The following TTC34 variants were observed in gnomAD, a reference collection of about 807,000 sequenced individuals.
TTC34 encodes tetratricopeptide repeat domain 34.
Under a neutral mutation model 40.7 loss-of-function variants are expected in TTC34, and 44 were observed. The observed-to-expected ratio is 1.08, with a 90% CI of 0.85 to 1.39. TTC34 has a LOEUF of 1.39. Among genes scored for constraint, TTC34 ranks in the 40% most tolerant of loss-of-function variants. The pLI is 0.00. For synonymous variants in TTC34, 422 were observed against 398.6 expected, an observed-to-expected ratio of 1.06 and a Z score of -0.70; for missense variants, 884 against 838.0, an observed-to-expected ratio of 1.05 and a Z score of -0.68.
intron 6 of TTC34, among the ~76,000 whole-genome samples, chr1:2,769,420 C>A (rs1569759984): frequency 4.4e-5 from 2 of 45,514 alleles, no homozygotes; most frequent in South Asian, 2.2e-3. Flanking sequence ...TGGAACAGCA[C>A]CCACACCCCC....
chr1:2,785,298 T>TACCCCAGGAGATCCCGGC (rs1553170524), intron 5 of TTC34, among the ~76,000 whole-genome samples: 1 of 151,264 alleles, frequency 6.6e-6, no homozygotes, highest in Admixed American at 6.6e-5. Flanking sequence ...ACACTCCCTG[T>TACCCCAGGAGATCCCGGC]ACCCCAGGAG....
chr1:2,682,059 C>G (rs1266999402), intron 6 of TTC34, among the ~76,000 whole-genome samples: 1 of 55,824 alleles, frequency 1.8e-5, no homozygotes, highest in Non-Finnish European at 3.7e-5. Context: ...TGGAGCAGCA[C>G]CCCACACCCA....
chr1:2,653,524 C>CT (rs1639224255), intron 6 of TTC34, among the ~76,000 whole-genome samples: 1 of 152,078 alleles, frequency 6.6e-6, no homozygotes, highest in Non-Finnish European at 1.5e-5. Context: ...GAACAGCACC[C>CT]ACACCCCCAG....
intron 6 of TTC34, among the ~76,000 whole-genome samples, chr1:2,684,619 A>C (rs1401716381): frequency 3.0e-5 from 2 of 67,086 alleles, no homozygotes; most frequent in Admixed American, 1.8e-4. Flanking sequence ...ATCTGACCGC[A>C]TGGAATGGCA....
intron 6 of TTC34, among the ~76,000 whole-genome samples, chr1:2,752,494 C>CCA (rs1641355616): frequency 7.4e-6 from 1 of 135,102 alleles, no homozygotes. Context: ...ACCCACACAG[C>CCA]CAGGTGAGCA....
At position 2,692,266 on chromosome 1, in the gene TTC34, C is replaced by T. The variant is rs568413376; in HGVS notation, c.2227-46703G>A. On this transcript the variant is annotated intron_variant, in intron 6 of 8. Transcript: ENST00000401095. The stretch of plus-strand genomic sequence containing the variant: ...GACAGCCTGGAGCAGCACCCACACC[C>T]TCAGGTGAGCATCTGACAGCCTGGA... 2.7e-3 allele frequency among the ~76,000 whole-genome samples: 209 copies of T among 78,680 alleles called. 35 individuals carry two copies. Among genetic ancestry groups the T allele is most frequent in the African/African-American group, 7.3e-3 (178 of 24,218 alleles). The allele number at this position is 78,680 out of a possible 152,430, so 51.6% of individuals were successfully genotyped here. A position where few individuals can be genotyped will look rare whatever the true frequency, so the allele number is the denominator to read the frequency against.
At chr1:2,753,552 T>A (rs1641397514) in intron 6 of TTC34, among the ~76,000 whole-genome samples, 2 of 86,690 alleles carry the variant, frequency 2.3e-5, no homozygotes, top group Admixed American at 1.1e-4. Flanking sequence ...TGTGAGCATC[T>A]GACTGCCTGG....
At chr1:2,759,512 C>A (rs1641621554) in intron 6 of TTC34, among the ~76,000 whole-genome samples, 1 of 134,386 alleles carries the variant, frequency 7.4e-6, no homozygotes, top group East Asian at 2.2e-4. Flanking sequence ...TGGAGCAGCA[C>A]CCACACCCCC....
rs1260456644 is a variant in TTC34, at chr1:2,645,297, T to G, written c.2493A>C (p.Ala831=). The G allele has an allele frequency of 1.6e-5, 24 of 1,489,514 alleles. No individual in the cohort carries two copies. The Admixed American group carries it at 5.3e-4, about 33-fold the overall frequency. The allele number at this position is 1,489,514 out of a possible 1,614,324, so 92.3% of individuals were successfully genotyped here. A position where few individuals can be genotyped will look rare whatever the true frequency, so the allele number is the denominator to read the frequency against. The change falls in exon 7 of 9, where the codon GCA becomes GCC. Residue 831 remains alanine, a synonymous_variant. Transcript: ENST00000401095. The surrounding 1 kb of genome is among the most constrained non-coding windows in gnomAD (Gnocchi z 4.7). ...CACCTTGGGGCCGCCGCATACCCTG[T>G]GCCATGAGAATGTCTGCCAGGAGGA...
At chr1:2,686,789 A>AACAACACCC (rs1640376416) in intron 6 of TTC34, among the ~76,000 whole-genome samples, 1 of 141,316 alleles carries the variant, frequency 7.1e-6, no homozygotes, top group Admixed American at 7.0e-5. Flanking sequence ...GACAGCCTGG[A>AACAACACCC]TCAGCACCCA....
intron 8 of TTC34, among the ~76,000 whole-genome samples, 164 bp from the exon 9 acceptor site, chr1:2,642,059 G>T (rs1638918804): frequency 6.6e-6 from 1 of 152,148 alleles, no homozygotes; most frequent in Non-Finnish European, 1.5e-5. Flanking sequence ...TGGAGGGGCT[G>T]GCTGACCATG....
In TTC34 at chr1:2,787,797, T is replaced by A. The variant is rs80083114; in HGVS notation, c.1629-91A>T. 1.5e-4 allele frequency: 170 copies of A among 1,153,574 alleles called. No individual in the cohort carries two copies. The East Asian group carries it at 4.0e-3, about 27-fold the overall frequency. The allele number at this position is 1,153,574 out of a possible 1,614,324, so 71.5% of individuals were successfully genotyped here. On this transcript the variant is annotated intron_variant, in intron 3 of 8. Coordinates refer to ENST00000401095, the Ensembl canonical transcript of TTC34. ...GGGCAGTGGGGAAATCCCGTCTCCA[T>A]GTACCTGGCCTGGGCAGCTCCCTCC...
chr1:2,768,236 G>A (rs1297806844), intron 6 of TTC34, among the ~76,000 whole-genome samples: 2 of 151,784 alleles, frequency 1.3e-5, no homozygotes, highest in Non-Finnish European at 2.9e-5. Flanking sequence ...CCTGAGGTTG[G>A]GAGTGCCATT....
chr1:2,652,858 C>G (rs1570754893), intron 6 of TTC34, among the ~76,000 whole-genome samples: 5 of 151,632 alleles, frequency 3.3e-5, no homozygotes, highest in African/African-American at 1.2e-4. Context: ...CCCAGGTGAG[C>G]ATCTGATGGT....
intron 6 of TTC34, among the ~76,000 whole-genome samples, chr1:2,655,344 G>T (rs1639306635): frequency 8.9e-6 from 1 of 112,024 alleles, no homozygotes; most frequent in African/African-American, 3.5e-5. Flanking sequence ...CCCCAAGTGA[G>T]CACCTGACAG....
chr1:2,686,714 C>A (rs1286008131), intron 6 of TTC34, among the ~76,000 whole-genome samples: 16 of 141,562 alleles, frequency 1.1e-4, no homozygotes, highest in African/African-American at 4.0e-4. Context: ...CCTGGAACAG[C>A]ACACACACCC....
At chr1:2,643,490 G>A (rs1419613792) in intron 8 of TTC34, among the ~76,000 whole-genome samples, 1 of 151,864 alleles carries the variant, frequency 6.6e-6, no homozygotes, top group African/African-American at 2.4e-5. Flanking sequence ...CAGGCTTCCC[G>A]CCCCCTGCCA....
chr1:2,790,061 G>T (rs1475745645), exon 3 of TTC34: 2 of 397,690 alleles, frequency 5.0e-6, no homozygotes, highest in African/African-American at 4.1e-5. Context: ...GACGCGGAGC[G>T]CGCGGGTTAC....
At chr1:2,758,824 G>A (rs1641595584) in intron 6 of TTC34, among the ~76,000 whole-genome samples, 1 of 27,340 alleles carries the variant, frequency 3.7e-5, no homozygotes, top group Non-Finnish European at 6.0e-5. Context: ...ACAGCCTGAA[G>A]CAGCACCCAC....
Sources: allele counts gnomAD v4.1 joint callset (sites outside exome capture counted in the v4.1 genomes callset), GRCh38; gene constraint gnomAD v4.1.1; non-coding constraint Gnocchi (gnomAD v3.1); transcripts MANE v1.5; gene names NCBI Gene and HGNC (gene_info 2026-07-23, HGNC 2026-07-21).